SPICE1: variants seen among roughly 807,000 people sequenced by gnomAD.
SPICE1 encodes spindle and centriole associated protein 1.
A neutral mutation model predicts 102.7 loss-of-function variants in SPICE1; 75 were observed. The ratio of observed to expected loss-of-function variants is 0.73; its 90% CI spans 0.61 to 0.88. SPICE1 has a LOEUF of 0.88. Ranked by LOEUF, SPICE1 falls within the 40% of genes least tolerant of loss-of-function variation. SPICE1 has a pLI of 0.00. For missense variants in SPICE1, 979 were observed against 1,020.1 expected (o/e 0.96, Z 0.55); for synonymous variants, 308 against 350.3 (o/e 0.88, Z 1.35).
chr3:113,491,348 T>C (rs1043559651), intron 6 of SPICE1, among the ~76,000 whole-genome samples: 3 of 152,004 alleles, frequency 2.0e-5, no homozygotes, highest in Non-Finnish European at 2.9e-5. Context: ...AGGCCGGGCG[T>C]GGTGGCTCAC....
chr3:113,454,588 C>T (rs536271853), intron 13 of SPICE1, among the ~76,000 whole-genome samples: 2 of 152,004 alleles, frequency 1.3e-5, no homozygotes, highest in South Asian at 4.1e-4. Context: ...TGATGGTGCA[C>T]GGCTGTAATC....
chr3:113,472,958 G>A (rs890348089), intron 7 of SPICE1, among the ~76,000 whole-genome samples: 1 of 152,214 alleles, frequency 6.6e-6, no homozygotes, highest in East Asian at 1.9e-4. Context: ...CGAGTTGAGA[G>A]AAGAAGGCTT....
Position 113,453,511 on chromosome 3 carries a change from T to C in SPICE1, c.2097A>G (p.Gly699=), listed in dbSNP as rs766499792. 11 of 1,613,502 alleles carry C rather than the reference T, an allele frequency of 6.8e-6. No individual in the cohort carries two copies. The highest frequency in any genetic ancestry group is 9.3e-6 in the Non-Finnish European group (11 of 1,179,620). The change falls in exon 14 of 18, where the codon GGA becomes GGG. Residue 699 remains glycine (G), a synonymous_variant. Transcript: ENST00000295872. ...TTTCTTGTTTGTTCAACTCCCGGAG[T>C]CCATCCCCTTGCTCTCCTCTGGGCT... is the stretch of plus-strand genomic sequence containing the variant. ...IIEPRGEQGD[G]LRELNKQESA... is the part of the protein sequence containing the mutation.
At chr3:113,466,212 T>C (rs1936052994) in intron 10 of SPICE1, among the ~76,000 whole-genome samples, 1 of 152,224 alleles carries the variant, frequency 6.6e-6, no homozygotes, top group African/African-American at 2.4e-5. Flanking sequence ...AATATGTGAC[T>C]ATATTGCCAA....
chr3:113,463,349 C>T (rs60360979), intron 11 of SPICE1, among the ~76,000 whole-genome samples: 1 of 152,288 alleles, frequency 6.6e-6, no homozygotes, highest in Non-Finnish European at 1.5e-5. Context: ...GTACCTAGAA[C>T]AGTACCAGGC....
At chr3:113,471,979 G>A (rs914332987) in intron 7 of SPICE1, among the ~76,000 whole-genome samples, 1 of 152,230 alleles carries the variant, frequency 6.6e-6, no homozygotes, top group Non-Finnish European at 1.5e-5. Context: ...AGCCGAAGCA[G>A]GGCAAGGCAT....
chr3:113,487,220 A>T (rs1936669951), intron 7 of SPICE1, among the ~76,000 whole-genome samples: 1 of 152,092 alleles, frequency 6.6e-6, no homozygotes, highest in Admixed American at 6.6e-5. Flanking sequence ...GTATTGCAGG[A>T]TTGAATATGA....
intron 2 of SPICE1, 60 bp from the exon 3 acceptor site, chr3:113,503,287 C>T (rs1268309910): frequency 5.5e-6 from 8 of 1,443,982 alleles, no homozygotes; most frequent in Non-Finnish European, 7.4e-6. Context: ...AAAATATACA[C>T]ATTTATTGGA....
intron 15 of SPICE1, 184 bp downstream of exon 15, chr3:113,450,152 G>C (rs141979831): frequency 2.1e-4 from 128 of 618,432 alleles, no homozygotes; most frequent in African/African-American, 2.0e-3. Flanking sequence ...ATAATCAGGA[G>C]ATCTGCCTTC....
Position 113,465,640 on chromosome 3 carries a change from C to A in SPICE1, c.1287+13G>T, listed in dbSNP as rs1270029146. On this transcript the variant is annotated intron_variant, in intron 11 of 17. Coordinates refer to ENST00000295872, the MANE Select transcript of SPICE1 (RefSeq NM_144718.4). Reference sequence around the variant, plus strand: ...CCACTGAACACATAAAAATTGGGATCTCATCTGAGTACCTGTGTAGCAGCG... The same window carrying A: ...CCACTGAACACATAAAAATTGGGATATCATCTGAGTACCTGTGTAGCAGCG... 3.7e-6 allele frequency: 6 copies of A among 1,605,634 alleles called. No individual in the cohort carries two copies. In the Admixed American group the frequency reaches 1.0e-4, roughly 28 times the overall value.
intron 7 of SPICE1, among the ~76,000 whole-genome samples, chr3:113,484,129 A>G (rs1233094733): frequency 1.3e-5 from 2 of 152,154 alleles, no homozygotes; most frequent in Non-Finnish European, 2.9e-5. Flanking sequence ...CCAGGAATTT[A>G]TCCATTTCTT....
intron 7 of SPICE1, among the ~76,000 whole-genome samples, chr3:113,488,217 T>A (rs920955404): frequency 2.0e-5 from 3 of 152,202 alleles, no homozygotes; most frequent in African/African-American, 4.8e-5. Context: ...TTTATCTGAA[T>A]GAATGCTCTT....
intron 1 of SPICE1, among the ~76,000 whole-genome samples, chr3:113,511,712 G>A (rs1937223733): frequency 6.6e-6 from 1 of 152,024 alleles, no homozygotes; most frequent in East Asian, 1.9e-4. Flanking sequence ...AACCACTATG[G>A]CACACGTTTA....
chr3:113,459,893 A>G (rs1935886151), intron 12 of SPICE1: 1 of 984,918 alleles, frequency 1.0e-6, no homozygotes, highest in Admixed American at 6.2e-5. Flanking sequence ...AAAAGAAAAA[A>G]AAAAAAAAAA....
intron 7 of SPICE1, among the ~76,000 whole-genome samples, chr3:113,486,478 A>C (rs1468013255): frequency 2.0e-5 from 3 of 151,246 alleles, no homozygotes; most frequent in Admixed American, 6.6e-5. Context: ...AAAAGAGAGA[A>C]GAATCAAATA....
intron 1 of SPICE1, among the ~76,000 whole-genome samples, chr3:113,513,900 A>C (rs1328462775): frequency 4.6e-5 from 7 of 152,232 alleles, no homozygotes; most frequent in Non-Finnish European, 1.0e-4. Flanking sequence ...TTGCAGAGTT[A>C]AGAGTTTCTA....
At position 113,444,078 on chromosome 3, in the gene SPICE1, C is replaced by T. The variant is rs146574347; in HGVS notation, c.*1229G>A. 2.6e-5 allele frequency: 4 copies of T among 152,250 alleles called. No homozygotes were observed. The highest frequency in any genetic ancestry group is 7.2e-5 in the African/African-American group (3 of 41,542). 9.4% of individuals were successfully genotyped at this position (152,250 alleles called of 1,614,324 possible). On this transcript the variant is annotated 3_prime_UTR_variant, in exon 18 of 18. Coordinates refer to ENST00000295872, the MANE Select transcript of SPICE1 (RefSeq NM_144718.4). Reference sequence around the variant, plus strand: ...TTATCAAAATATATGAGTCTAAACACAAGTAATCTCAGTTTGAATTGTTCA... The same window carrying T: ...TTATCAAAATATATGAGTCTAAACATAAGTAATCTCAGTTTGAATTGTTCA...
chr3:113,480,015 G>T (rs1176822840), intron 7 of SPICE1, among the ~76,000 whole-genome samples: 1 of 151,886 alleles, frequency 6.6e-6, no homozygotes, highest in Non-Finnish European at 1.5e-5. Flanking sequence ...TAAAGAAAGA[G>T]AACCAAAATA....
At chr3:113,508,075 C>T (rs1466481485) in intron 1 of SPICE1, among the ~76,000 whole-genome samples, 3 of 151,956 alleles carry the variant, frequency 2.0e-5, no homozygotes, top group Non-Finnish European at 4.4e-5. Flanking sequence ...CAACTGGATA[C>T]GCATATGAAA....
Sources: allele counts gnomAD v4.1 joint callset (sites outside exome capture counted in the v4.1 genomes callset), GRCh38; gene constraint gnomAD v4.1.1; transcripts MANE v1.5; gene names NCBI Gene and HGNC (gene_info 2026-07-23, HGNC 2026-07-21).